SLC1A3: variants seen among roughly 807,000 people sequenced by gnomAD.
The protein encoded by SLC1A3 is solute carrier family 1 member 3.
A neutral mutation model predicts 48.1 loss-of-function variants in SLC1A3; 21 were observed. That is an observed-to-expected ratio of 0.44 (90% CI 0.31 to 0.63). The LOEUF (loss-of-function observed/expected upper bound fraction) is 0.63, where lower values mean the gene tolerates loss of function less well. Ranked by LOEUF, SLC1A3 falls within the 20% of genes least tolerant of loss-of-function variation. SLC1A3 has a pLI of 0.08. For missense variants in SLC1A3, 546 were observed against 689.0 expected (o/e 0.79, Z 2.32); for synonymous variants, 239 against 251.4 (o/e 0.95, Z 0.47).
intron 2 of SLC1A3, among the ~76,000 whole-genome samples, chr5:36,616,392 G>A (rs1346943941): frequency 6.6e-6 from 1 of 152,168 alleles, no homozygotes; most frequent in Non-Finnish European, 1.5e-5. Context: ...TTAAGGGAGG[G>A]CGCTCCCTTT....
chr5:36,648,487 C>G (rs1740925070), intron 3 of SLC1A3, among the ~76,000 whole-genome samples: 1 of 152,214 alleles, frequency 6.6e-6, no homozygotes, highest in South Asian at 2.1e-4. Context: ...GTCCCTTCCT[C>G]AGAATAGTCT....
Position 36,686,607 on chromosome 5 carries a change from A to G in SLC1A3, c.*338A>G, listed in dbSNP as rs1742659504. 7.3e-6 allele frequency: 2 copies of G among 272,356 alleles called. No individual in the cohort carries two copies. Among genetic ancestry groups the G allele is most frequent in the Non-Finnish European group, 1.4e-5 (2 of 141,596 alleles). The allele number at this position is 272,356 out of a possible 1,614,324, so 16.9% of individuals were successfully genotyped here. On this transcript the variant is annotated 3_prime_UTR_variant, in exon 10 of 10. Coordinates refer to ENST00000265113, the MANE Select transcript of SLC1A3 (RefSeq NM_004172.5). The stretch of plus-strand genomic sequence containing the variant: ...TATATAAGTTAAAGAGACAAATAGT[A>G]GGCTAAAAACATTTTAAAATCAACT...
chr5:36,612,967 A>AATTG (rs1313005127), intron 2 of SLC1A3: 1 of 402,938 alleles, frequency 2.5e-6, no homozygotes, highest in African/African-American at 2.1e-5. Context: ...GAGACTTGGC[A>AATTG]ATTGATTCAA....
At chr5:36,660,815 G>C (rs1295842698) in intron 3 of SLC1A3, among the ~76,000 whole-genome samples, 1 of 152,168 alleles carries the variant, frequency 6.6e-6, no homozygotes, top group African/African-American at 2.4e-5. Flanking sequence ...ACTGAAAGGG[G>C]GTGCCGTTGG....
intron 3 of SLC1A3, chr5:36,630,411 A>G (rs1268645557): frequency 6.6e-6 from 1 of 152,242 alleles, no homozygotes; most frequent in Non-Finnish European, 1.5e-5. Flanking sequence ...CTCTTTCCCC[A>G]CAGCACATCT....
chr5:36,635,364 G>A (rs565539397), intron 3 of SLC1A3, among the ~76,000 whole-genome samples: 3 of 152,266 alleles, frequency 2.0e-5, no homozygotes, highest in Admixed American at 6.5e-5. Context: ...GTCTTCTGGC[G>A]GTTCCCATTG....
chr5:36,652,146 A>T (rs911722263), intron 3 of SLC1A3, among the ~76,000 whole-genome samples: 1 of 152,332 alleles, frequency 6.6e-6, no homozygotes, highest in African/African-American at 2.4e-5. Flanking sequence ...TACTAAAGCC[A>T]TGGCATGCAA....
At chr5:36,646,784 G>T (rs1043278206) in intron 3 of SLC1A3, among the ~76,000 whole-genome samples, 3 of 152,164 alleles carry the variant, frequency 2.0e-5, no homozygotes, top group African/African-American at 7.2e-5. Flanking sequence ...TTCCGTAAGT[G>T]GTTCCTAAGC....
intron 5 of SLC1A3, among the ~76,000 whole-genome samples, chr5:36,676,284 T>C (rs555983060): frequency 3.3e-5 from 5 of 152,372 alleles, no homozygotes; most frequent in Non-Finnish European, 7.3e-5. Context: ...GGCTTTTTCA[T>C]TGAGCACCAT....
At chr5:36,629,088 T>C (rs1422595897) in intron 2 of SLC1A3, among the ~76,000 whole-genome samples, 1 of 152,246 alleles carries the variant, frequency 6.6e-6, no homozygotes, top group Non-Finnish European at 1.5e-5. Flanking sequence ...GCCTTTTTTT[T>C]CTATATCACC....
intron 3 of SLC1A3, among the ~76,000 whole-genome samples, chr5:36,632,493 C>A (rs1201148730): frequency 4.6e-5 from 7 of 152,252 alleles, no homozygotes; most frequent in African/African-American, 1.7e-4. Flanking sequence ...TGGAAAGCCT[C>A]TTCTCTCCAT....
chr5:36,685,110 A>G (rs1243775032), intron 9 of SLC1A3, among the ~76,000 whole-genome samples: 1 of 152,220 alleles, frequency 6.6e-6, no homozygotes, highest in African/African-American at 2.4e-5. Context: ...ACACTTATAA[A>G]TTTCCACTTG....
chr5:36,617,410 G>A (rs1205137546), intron 2 of SLC1A3, among the ~76,000 whole-genome samples: 39 of 133,184 alleles, frequency 2.9e-4, no homozygotes, highest in African/African-American at 1.0e-3. Flanking sequence ...AGAAAAGGTT[G>A]CGGGCTTTTT....
chr5:36,675,053 A>G (rs1742150122), intron 5 of SLC1A3, among the ~76,000 whole-genome samples: 1 of 152,164 alleles, frequency 6.6e-6, no homozygotes. Context: ...AGATGGTGTC[A>G]ATTCACTCCT....
chr5:36,624,222 A>G (rs953126853), intron 2 of SLC1A3, among the ~76,000 whole-genome samples: 1 of 152,220 alleles, frequency 6.6e-6, no homozygotes, highest in East Asian at 1.9e-4. Flanking sequence ...AAAATCAACA[A>G]AACTTTTCCT....
intron 3 of SLC1A3, among the ~76,000 whole-genome samples, chr5:36,651,008 A>G (rs1741037612): frequency 6.6e-6 from 1 of 152,082 alleles, no homozygotes; most frequent in Non-Finnish European, 1.5e-5. Flanking sequence ...CAAGATTTGC[A>G]GAGTTACTTC....
intron 2 of SLC1A3, among the ~76,000 whole-genome samples, chr5:36,615,131 T>G (rs1159076846): frequency 6.6e-6 from 1 of 152,210 alleles, no homozygotes; most frequent in African/African-American, 2.4e-5. Context: ...CTGATTTGTA[T>G]CTGCAAATGT....
At chr5:36,660,036 C>T (rs896492194) in intron 3 of SLC1A3, among the ~76,000 whole-genome samples, 3 of 152,178 alleles carry the variant, frequency 2.0e-5, no homozygotes, top group African/African-American at 4.8e-5. Flanking sequence ...TTCCATACTT[C>T]TCTTTAACAA....
chr5:36,617,601 T>C (rs943096173), intron 2 of SLC1A3, among the ~76,000 whole-genome samples: 1 of 152,110 alleles, frequency 6.6e-6, no homozygotes, highest in African/African-American at 2.4e-5. Context: ...GTTATGACTA[T>C]AAAAATAAAT....
Sources: allele counts gnomAD v4.1 joint callset (sites outside exome capture counted in the v4.1 genomes callset), GRCh38; gene constraint gnomAD v4.1.1; transcripts MANE v1.5; gene names NCBI Gene and HGNC (gene_info 2026-07-23, HGNC 2026-07-21).